CAAP1: variants seen among roughly 807,000 people sequenced by gnomAD.
CAAP1 encodes the protein caspase activity and apoptosis inhibitor 1.
CAAP1 carries 20 observed loss-of-function variants against 34.0 expected under a neutral mutation model. The observed-to-expected ratio is 0.59, with a 90% CI of 0.41 to 0.86. The LOEUF (loss-of-function observed/expected upper bound fraction) is 0.86. Among genes scored for constraint, CAAP1 ranks in the 40% least tolerant of loss-of-function variants. CAAP1 has a pLI of 0.00. For missense variants in CAAP1, 538 were observed against 450.5 expected (o/e 1.19, Z -1.76); for synonymous variants, 213 against 166.7 (o/e 1.28, Z -2.14).
At chr9:26,883,344 C>T (rs1437692045) in intron 4 of CAAP1, among the ~76,000 whole-genome samples, 8 of 152,180 alleles carry the variant, frequency 5.3e-5, no homozygotes, top group African/African-American at 1.9e-4. Context: ...TTGGTTCCCT[C>T]ATTCTCTCTT....
chr9:26,852,949 GT>G, intron 5 of CAAP1, among the ~76,000 whole-genome samples: 1 of 152,320 alleles, frequency 6.6e-6, no homozygotes, highest in Admixed American at 6.5e-5. Flanking sequence ...ACACAGGAGT[GT>G]TTGGAGTGCT....
At chr9:26,872,915 C>A (rs112129244) in intron 4 of CAAP1, among the ~76,000 whole-genome samples, 6,574 of 152,106 alleles carry the variant, frequency 0.043, 489 homozygotes, top group African/African-American at 0.15. Flanking sequence ...CACACCCATC[C>A]TCTACTAAGA....
intron 4 of CAAP1, among the ~76,000 whole-genome samples, chr9:26,872,988 C>T (rs1442479022): frequency 3.3e-5 from 5 of 152,182 alleles, no homozygotes; most frequent in Admixed American, 3.3e-4. Context: ...TGATTGGGTG[C>T]AGTGGCTCAT....
chr9:26,882,826 A>C (rs1449178481), intron 4 of CAAP1, among the ~76,000 whole-genome samples: 1 of 152,126 alleles, frequency 6.6e-6, no homozygotes, highest in Non-Finnish European at 1.5e-5. Context: ...GAAACCTACC[A>C]TTTGCATCAG....
chr9:26,887,001 G>A (rs1244798259), intron 2 of CAAP1, among the ~76,000 whole-genome samples: 1 of 152,146 alleles, frequency 6.6e-6, no homozygotes, highest in Non-Finnish European at 1.5e-5. Context: ...AGATCACGAG[G>A]TCAGGAGTTC....
Position 26,886,194 on chromosome 9 carries a change from G to A in CAAP1, c.505-6C>T, listed in dbSNP as rs190329191. The A allele has an allele frequency of 3.0e-5, 43 of 1,429,484 alleles. No homozygotes were observed. In the African/African-American group the frequency reaches 5.6e-4, roughly 18 times the overall value. 88.6% of individuals were successfully genotyped at this position (1,429,484 alleles called of 1,614,324 possible). ...ATTTCTTCTATTGAACAGTTCTAAA[G>A]GAAATGACATTTTAAAAAAATGCAT... On this transcript the variant is annotated splice_polypyrimidine_tract_variant and splice_region_variant and intron_variant, in intron 2 of 5. Transcript: ENST00000333916.
intron 4 of CAAP1, among the ~76,000 whole-genome samples, chr9:26,870,327 T>C (rs1171226333): frequency 2.6e-5 from 4 of 152,034 alleles, no homozygotes; most frequent in African/African-American, 7.2e-5. Flanking sequence ...TAAAATAATA[T>C]GGAAGGGACA....
intron 4 of CAAP1, among the ~76,000 whole-genome samples, chr9:26,875,095 A>G (rs529179967): frequency 6.6e-6 from 1 of 152,298 alleles, no homozygotes; most frequent in African/African-American, 2.4e-5. Context: ...AGACAATTTT[A>G]CTGATGTTAT....
chr9:26,891,477 A>T (rs1031383191), intron 1 of CAAP1, among the ~76,000 whole-genome samples: 1 of 152,194 alleles, frequency 6.6e-6, no homozygotes, highest in African/African-American at 2.4e-5. Flanking sequence ...TTAATAGCAT[A>T]AACTTTGACC....
chr9:26,892,288 G>A, intron 1 of CAAP1, 125 bp downstream of exon 1: 1 of 1,535,242 alleles, frequency 6.5e-7, no homozygotes, highest in Non-Finnish European at 8.7e-7. Context: ...TGAACCTCAA[G>A]GACGGACGAC....
rs1275325134 is a variant in CAAP1 at position 26,842,093 on chromosome 9, T to C, written c.*208A>G. On this transcript the variant is annotated 3_prime_UTR_variant, in exon 6 of 6. Coordinates refer to ENST00000333916, the MANE Select transcript of CAAP1 (RefSeq NM_024828.4). The stretch of plus-strand genomic sequence containing the variant: ...TCCAGGCTATCCAACTATATTGCCA[T>C]GAATTCATAAGACAGTAACACACAT... 1 of 449,058 alleles carries C rather than the reference T, an allele frequency of 2.2e-6. No individual in the cohort carries two copies. Among genetic ancestry groups the C allele is most frequent in the African/African-American group, 2.0e-5 (1 of 49,920 alleles). The allele number at this position is 449,058 out of a possible 1,614,324, so 27.8% of individuals were successfully genotyped here.
Position 26,848,162 on chromosome 9 carries a change from G to A in CAAP1, c.740-5515C>T, listed in dbSNP as rs111375178. 7.9e-5 allele frequency among the ~76,000 whole-genome samples: 12 copies of A among 152,186 alleles called. 2 individuals are homozygous for A. The highest frequency in any genetic ancestry group is 2.9e-4 in the African/African-American group (12 of 41,528). On this transcript the variant is annotated intron_variant, in intron 5 of 5. Transcript: ENST00000333916. ...GTCCTATCAAGGTTTAAATACTTTAGCATAACTTAAAAGTTCCTTTTATTT... is the reference window on the plus strand; with the variant it reads ...GTCCTATCAAGGTTTAAATACTTTAACATAACTTAAAAGTTCCTTTTATTT...
chr9:26,861,043 A>G, intron 5 of CAAP1, 23 bp downstream of exon 5: 1 of 1,534,574 alleles, frequency 6.5e-7, no homozygotes, highest in Non-Finnish European at 9.0e-7. Flanking sequence ...ATTTTATACA[A>G]TAATCAAGTA....
intron 4 of CAAP1, chr9:26,870,029 G>T: frequency 5.7e-4 from 247 of 433,396 alleles, no homozygotes; most frequent in Non-Finnish European, 7.0e-4. Context: ...TTCTGTAATA[G>T]AAAGAATAAC....
intron 5 of CAAP1, among the ~76,000 whole-genome samples, chr9:26,857,048 A>T (rs1822886355): frequency 6.6e-6 from 1 of 152,238 alleles, no homozygotes; most frequent in African/African-American, 2.4e-5. Context: ...CAGATACTTG[A>T]TATTTTAAAA....
chr9:26,849,105 T>C (rs1019869656), intron 5 of CAAP1, among the ~76,000 whole-genome samples: 8 of 152,090 alleles, frequency 5.3e-5, no homozygotes, highest in East Asian at 1.9e-4. Context: ...ACAAGAGAAA[T>C]AGTGAAAGTA....
intron 5 of CAAP1, among the ~76,000 whole-genome samples, chr9:26,859,060 C>A (rs557642491): frequency 1.3e-5 from 2 of 149,226 alleles, no homozygotes; most frequent in Non-Finnish European, 3.0e-5. Context: ...TTAGTCACAA[C>A]ATGAGCATGA....
At chr9:26,882,903 G>A (rs554525784) in intron 4 of CAAP1, among the ~76,000 whole-genome samples, 4 of 152,160 alleles carry the variant, frequency 2.6e-5, no homozygotes, top group Non-Finnish European at 5.9e-5. Context: ...TGACTGCCTC[G>A]CTGGATTTCA....
intron 5 of CAAP1, among the ~76,000 whole-genome samples, chr9:26,860,155 A>G (rs934158172): frequency 3.3e-5 from 5 of 152,202 alleles, no homozygotes; most frequent in Non-Finnish European, 5.9e-5. Flanking sequence ...TAATTTTATC[A>G]GAAACAAATG....
Sources: allele counts gnomAD v4.1 joint callset (sites outside exome capture counted in the v4.1 genomes callset), GRCh38; gene constraint gnomAD v4.1.1; transcripts MANE v1.5; gene names NCBI Gene and HGNC (gene_info 2026-07-23, HGNC 2026-07-21).